The following IL7 variants were observed in gnomAD, a reference collection of about 807,000 sequenced individuals.
IL7 encodes interleukin-7.
Under a neutral mutation model 21.6 loss-of-function variants are expected in IL7, and 3 were observed. The observed-to-expected ratio is 0.14, with a 90% confidence interval of 0.06 to 0.36. The LOEUF (loss-of-function observed/expected upper bound fraction) is 0.36. Among genes scored for constraint, IL7 ranks in the 10% least tolerant of loss-of-function variants. The probability of loss-of-function intolerance (pLI) is 1.00; values close to 1 mark genes in which losing one functional copy is unlikely to be tolerated. For missense variants in IL7, 175 were observed against 200.2 expected (o/e 0.87, Z 0.76); for synonymous variants, 62 against 68.1 (o/e 0.91, Z 0.44).
chr8:78,743,341 T>G (rs1050543250), intron 2 of IL7, among the ~76,000 whole-genome samples: 2 of 152,206 alleles, frequency 1.3e-5, no homozygotes, highest in Admixed American at 1.3e-4. Context: ...GCTGAACTGA[T>G]TTACATTCCC....
Position 78,738,515 on chromosome 8 carries a change from A to G in IL7, c.349T>C (p.Cys117Arg), listed in dbSNP as rs529282955. ...AGTCCTTAGCTTACCTGGCCAGTGC[A>G]GTTCAACAGTATTGTTGTGCCTTCT... ...VSEGTTILLN[C>R]TGQVKGRKPA... Residue 117 changes from cysteine (C) to arginine (R), a missense_variant, in exon 4 of 6, where the codon TGC becomes CGC. Coordinates refer to ENST00000263851, the MANE Select transcript of IL7 (RefSeq NM_000880.4). 1.9e-6 allele frequency: 3 copies of G among 1,613,390 alleles called. No individual in the cohort carries two copies. The South Asian group carries it at 3.3e-5, about 18-fold the overall frequency.
chr8:78,737,024 A>G (rs1166487648), intron 4 of IL7, among the ~76,000 whole-genome samples: 3 of 152,272 alleles, frequency 2.0e-5, no homozygotes, highest in Non-Finnish European at 4.4e-5. Flanking sequence ...TGTTATTTCA[A>G]GAAAAAGGTG....
At chr8:78,694,049 G>A (rs947372399) in intron 3 of IL7, among the ~76,000 whole-genome samples, 3 of 152,260 alleles carry the variant, frequency 2.0e-5, no homozygotes, top group Non-Finnish European at 4.4e-5. Context: ...TTGTAGATGT[G>A]TGACATTATT....
Position 78,805,211 on chromosome 8 carries a change from G to C in IL7, c.-289C>G, listed in dbSNP as rs1814292601. On this transcript the variant is annotated 5_prime_UTR_variant, in exon 1 of 6. Coordinates refer to ENST00000263851, the MANE Select transcript of IL7 (RefSeq NM_000880.4). ...GTTTCTACTTTGCGCTTGGTCTGCA[G>C]GTTCAATCTTTGGGATCATCAGCAT... 2.7e-6 allele frequency: 1 copy of C among 371,850 alleles called. No individual in the cohort carries two copies. The highest frequency in any genetic ancestry group is 4.9e-6 in the Non-Finnish European group (1 of 205,342). The allele number at this position is 371,850 out of a possible 1,614,324, so 23.0% of individuals were successfully genotyped here. A position where few individuals can be genotyped will look rare whatever the true frequency, so the allele number is the denominator to read the frequency against.
At chr8:78,705,866 T>C (rs1253666485) in intron 3 of IL7, among the ~76,000 whole-genome samples, 1 of 152,020 alleles carries the variant, frequency 6.6e-6, no homozygotes, top group Non-Finnish European at 1.5e-5. Flanking sequence ...GGCCACACTT[T>C]CCTAGAGCAG....
At chr8:78,786,232 G>A in intron 2 of IL7, among the ~76,000 whole-genome samples, 1 of 152,146 alleles carries the variant, frequency 6.6e-6, no homozygotes, top group East Asian at 1.9e-4. Context: ...AGGCTATAAG[G>A]TATAGTCTAT....
chr8:78,789,167 G>A (rs1813605809), intron 2 of IL7, among the ~76,000 whole-genome samples: 1 of 151,982 alleles, frequency 6.6e-6, no homozygotes, highest in Non-Finnish European at 1.5e-5. Flanking sequence ...AATCTACTCA[G>A]GCAGTCTCTA....
At chr8:78,755,819 A>G (rs1429573549) in intron 2 of IL7, among the ~76,000 whole-genome samples, 1 of 151,972 alleles carries the variant, frequency 6.6e-6, no homozygotes, top group Non-Finnish European at 1.5e-5. Context: ...GACATCTTTT[A>G]TTTCTTTCTC....
rs570204689 is a variant in IL7 at position 78,726,826 on chromosome 8, T to C, written n.268-5386A>G. Reference sequence around the variant, plus strand: ...GTGTTTGTTATCGACTCAACTACTTTGTCTTGTTTAGGATGCAAAGATTAG... The same window carrying C: ...GTGTTTGTTATCGACTCAACTACTTCGTCTTGTTTAGGATGCAAAGATTAG... On this transcript the variant is annotated intron_variant and non_coding_transcript_variant, in intron 3 of 6. Transcript: ENST00000519833. Among the ~76,000 whole-genome samples, 26 of 152,156 alleles carry C rather than the reference T, an allele frequency of 1.7e-4. No homozygotes were observed. In the South Asian group the frequency reaches 5.4e-3, roughly 32 times the overall value.
At chr8:78,715,471 C>A, downstream of IL7, 1 of 686,872 alleles carries the variant, frequency 1.5e-6, no homozygotes. Flanking sequence ...AGTTGTACAC[C>A]TCTAATGGAT....
downstream of IL7, chr8:78,717,452 A>G (rs1811142722): frequency 6.2e-7 from 1 of 1,604,142 alleles, no homozygotes; most frequent in South Asian, 1.1e-5. Flanking sequence ...AGAATGGGCC[A>G]AATTTTGCTG....
intron 4 of IL7, chr8:78,721,274 A>G (rs948259168): frequency 1.1e-4 from 16 of 152,032 alleles, no homozygotes; most frequent in Middle Eastern, 3.2e-3. Flanking sequence ...ACAGCTCAGC[A>G]TTTCCCATTT....
chr8:78,801,813 G>A (rs1204666187), intron 1 of IL7, among the ~76,000 whole-genome samples: 2 of 152,034 alleles, frequency 1.3e-5, no homozygotes, highest in African/African-American at 4.8e-5. Flanking sequence ...TAGGGCCTTG[G>A]ACCCACATCT....
In IL7 at chr8:78,739,984, C is replaced by G; in HGVS notation, c.228+18G>C. ...TAAAATCAAGCTTGAATGACAAACT[C>G]CAAATAATTATCATTACCTTATTAG... On this transcript the variant is annotated intron_variant, in intron 3 of 5. Coordinates refer to ENST00000263851, the MANE Select transcript of IL7 (RefSeq NM_000880.4). 3 of 1,500,332 alleles carry G rather than the reference C, an allele frequency of 2.0e-6. No homozygotes were observed. Among genetic ancestry groups the G allele is most frequent in the Non-Finnish European group, 2.6e-6 (3 of 1,132,138 alleles). 92.9% of individuals were successfully genotyped at this position (1,500,332 alleles called of 1,614,324 possible). A position where few individuals can be genotyped will look rare whatever the true frequency, so the allele number is the denominator to read the frequency against.
chr8:78,760,757 C>T (rs1267138352), intron 2 of IL7: 16 of 1,545,360 alleles, frequency 1.0e-5, no homozygotes, highest in African/African-American at 1.4e-5. Flanking sequence ...GTGAGCTCTG[C>T]GGAATTTCCC....
chr8:78,722,075 T>C (rs1013416790), intron 3 of IL7, among the ~76,000 whole-genome samples: 12 of 151,988 alleles, frequency 7.9e-5, no homozygotes, highest in Non-Finnish European at 1.3e-4. Flanking sequence ...TATGCTTATT[T>C]CTACCAAAGG....
chr8:78,717,806 A>G (rs1273134531), downstream of IL7: 4 of 182,372 alleles, frequency 2.2e-5, no homozygotes, highest in Non-Finnish European at 4.6e-5. Context: ...CACGTTAAGT[A>G]CATTTCCACA....
Position 78,738,575 on chromosome 8 carries a change from T to C in IL7, c.289A>G (p.Thr97Ala). Residue 97 changes from threonine (T) to alanine (A), a missense_variant, in exon 4 of 6, where the codon ACT becomes GCT. Thr to Ala is a moderately conservative substitution (Grantham distance 58). Transcript: ENST00000263851. Reference protein sequence around the residue: ...KLRQFLKMNSTGDFDLHLLKV... With the variant: ...KLRQFLKMNSAGDFDLHLLKV... ...AATAAGTGGAGATCAAAATCACCAG[T>C]GCTATTCATTTTAAGAAATTGCCTC... 6.2e-7 allele frequency: 1 copy of C among 1,613,368 alleles called. No individual in the cohort carries two copies. Among genetic ancestry groups the C allele is most frequent in the South Asian group, 1.1e-5 (1 of 91,076 alleles).
chr8:78,804,950 A>C lies in IL7; in HGVS notation c.-28T>G. ...TCTGCGGGAGGCGGGCGTAGTCATGATGACCGCAACTGGAGCAGGAGCAAG... is the reference window on the plus strand; with the variant it reads ...TCTGCGGGAGGCGGGCGTAGTCATGCTGACCGCAACTGGAGCAGGAGCAAG... On this transcript the variant is annotated 5_prime_UTR_variant, in exon 1 of 6. Transcript: ENST00000263851. The C allele has an allele frequency of 1.2e-6, 2 of 1,610,384 alleles. No homozygotes were observed. Among genetic ancestry groups the C allele is most frequent in the South Asian group, 1.1e-5 (1 of 90,626 alleles).
Sources: gnomAD v4.1 joint callset for allele counts (sites outside exome capture counted in the v4.1 genomes callset) on GRCh38, gnomAD v4.1.1 for gene constraint, MANE v1.5 for transcripts, NCBI Gene and HGNC (gene_info 2026-07-23, HGNC 2026-07-21) for gene names.